Variants in DNM1L observed in about 807,000 individuals in gnomAD.
DNM1L encodes dynamin-1-like protein.
A neutral mutation model predicts 92.8 loss-of-function variants in DNM1L; 33 were observed. The ratio of observed to expected loss-of-function variants is 0.36; its 90% CI spans 0.27 to 0.48. The LOEUF (loss-of-function observed/expected upper bound fraction) is 0.48. Ranked by LOEUF, DNM1L falls within the 20% of genes least tolerant of loss-of-function variation. DNM1L has a pLI of 0.99. For missense variants in DNM1L, 485 were observed against 888.8 expected (o/e 0.55, Z 5.78); for synonymous variants, 284 against 305.0 (o/e 0.93, Z 0.72).
chr12:32,710,896 G>T, intron 4 of DNM1L, 33 bp from the exon 5 acceptor site: 1 of 1,475,596 alleles, frequency 6.8e-7, no homozygotes, highest in South Asian at 1.2e-5. Flanking sequence ...ATAGTTCATT[G>T]AAATTTTAAT....
intron 18 of DNM1L, among the ~76,000 whole-genome samples, chr12:32,742,344 T>TC (rs1168190601): frequency 6.6e-6 from 1 of 152,188 alleles, no homozygotes; most frequent in African/African-American, 2.4e-5. Context: ...CCTCAAGCAG[T>TC]CCACCCGCGT....
At chr12:32,715,041 CTATTT>C (rs1056569234) in intron 6 of DNM1L, among the ~76,000 whole-genome samples, 1 of 151,286 alleles carries the variant, frequency 6.6e-6, no homozygotes, top group Non-Finnish European at 1.5e-5. Flanking sequence ...TGTATAAACT[CTATTT>C]TAAACTGACC....
At chr12:32,710,513 A>G (rs1044112707) in intron 4 of DNM1L, among the ~76,000 whole-genome samples, 4 of 151,996 alleles carry the variant, frequency 2.6e-5, no homozygotes, top group Non-Finnish European at 4.4e-5. Context: ...CCAGCTACTC[A>G]GGAGGCTAAG....
chr12:32,732,044 T>C, intron 12 of DNM1L, 101 bp downstream of exon 12: 1 of 853,624 alleles, frequency 1.2e-6, no homozygotes, highest in Non-Finnish European at 1.9e-6. Context: ...CTTTAGAGTG[T>C]AGGCATAATG....
In DNM1L at chr12:32,740,399, C is replaced by A; in HGVS notation, c.1885-10C>A. The A allele has an allele frequency of 6.2e-7, 1 of 1,613,200 alleles. No individual in the cohort carries two copies. Among genetic ancestry groups the A allele is most frequent in the Non-Finnish European group, 8.5e-7 (1 of 1,179,282 alleles). ...AAAAGTAATATTTTTTCCCCCTCAT[C>A]CCTATTTAGCCAGTTCCTGTTGCAC... On this transcript the variant is annotated splice_polypyrimidine_tract_variant and intron_variant, in intron 17 of 19. Coordinates refer to ENST00000549701, the MANE Select transcript of DNM1L (RefSeq NM_012062.5).
chr12:32,711,816 G>A lies in DNM1L; in HGVS notation c.456+801G>A, dbSNP rs142793106. 8.0e-3 allele frequency among the ~76,000 whole-genome samples: 1,218 copies of A among 152,236 alleles called. 13 individuals carry two copies. The highest frequency in any genetic ancestry group is 0.028 in the African/African-American group (1,166 of 41,524). On this transcript the variant is annotated intron_variant, in intron 5 of 19. Coordinates refer to ENST00000549701, the MANE Select transcript of DNM1L (RefSeq NM_012062.5). ...GAGGATTGCTTGAGCCTAGGAATTT[G>A]AGGCTACGGTGAGCTATGATTGCAT...
In DNM1L at chr12:32,742,590, G is replaced by C; in HGVS notation, c.1996G>C (p.Val666Leu). The C allele has an allele frequency of 1.2e-6, 2 of 1,614,074 alleles. No individual in the cohort carries two copies. Among genetic ancestry groups the C allele is most frequent in the Non-Finnish European group, 1.7e-6 (2 of 1,179,990 alleles). ...CCATAATTTGGTTGTGTTTTGCAGT[G>C]TGCCAAAGGCAGTAATGCATTTTTT... Reference protein sequence around the residue: ...LIVRKNIQDSVPKAVMHFLVN... With the variant: ...LIVRKNIQDSLPKAVMHFLVN... Residue 666 changes from valine to leucine, a missense_variant and splice_region_variant, in exon 19 of 20, where the codon GTG (valine) becomes CTG (leucine). Physicochemically the swap from Val to Leu is conservative, Grantham distance 32. This residue lies in a region of DNM1L where 133 missense variants were observed against 210.9 expected (regional missense o/e 0.63). Coordinates refer to ENST00000549701, the MANE Select transcript of DNM1L (RefSeq NM_012062.5).
intron 14 of DNM1L, 34 bp downstream of exon 14, chr12:32,737,195 C>T (rs375014141): frequency 2.4e-4 from 393 of 1,605,292 alleles, no homozygotes; most frequent in Admixed American, 6.3e-4. Context: ...ATTCCCAATA[C>T]CTAAAGATAG....
chr12:32,698,026 C>G (rs1952542857), intron 1 of DNM1L, among the ~76,000 whole-genome samples: 1 of 150,636 alleles, frequency 6.6e-6, no homozygotes, highest in Non-Finnish European at 1.5e-5. Context: ...ATATAAAGAA[C>G]TGGAAATGTC....
Position 32,707,416 on chromosome 12 carries a change from A to G in DNM1L, c.297+3A>G. 1 of 1,599,174 alleles carries G rather than the reference A, an allele frequency of 6.3e-7. No individual in the cohort carries two copies. The highest frequency in any genetic ancestry group is 8.5e-7 in the Non-Finnish European group (1 of 1,171,824). On this transcript the variant is annotated splice_donor_region_variant and intron_variant, in intron 3 of 19. Coordinates refer to ENST00000549701, the MANE Select transcript of DNM1L (RefSeq NM_012062.5). Reference sequence around the variant, plus strand: ...AATTTCTTCACACCAAAAATAAGGTAATCACACATGCATATAATGAAGAAA... The same window carrying G: ...AATTTCTTCACACCAAAAATAAGGTGATCACACATGCATATAATGAAGAAA...
intron 1 of DNM1L, among the ~76,000 whole-genome samples, chr12:32,700,850 G>T (rs572777940): frequency 2.0e-5 from 3 of 152,162 alleles, no homozygotes; most frequent in Non-Finnish European, 2.9e-5. Context: ...TACCAATATT[G>T]TGTAGGTTTT....
intron 5 of DNM1L, 103 bp downstream of exon 5, chr12:32,711,118 C>CTGCTAACAG: frequency 9.8e-7 from 1 of 1,022,962 alleles, no homozygotes; most frequent in Non-Finnish European, 1.5e-6. Context: ...GATCTGTTAG[C>CTGCTAACAG]AGCATTTGAT....
At chr12:32,695,128 G>A (rs562435989) in intron 1 of DNM1L, among the ~76,000 whole-genome samples, 1 of 152,068 alleles carries the variant, frequency 6.6e-6, no homozygotes, top group African/African-American at 2.4e-5. Flanking sequence ...AGGTAAACAG[G>A]GCCAAGATAC....
rs765265273 is a variant in DNM1L at position 32,733,855 on chromosome 12, TA to T, written c.1539+50del. 16 of 1,523,192 alleles carry T rather than the reference TA, an allele frequency of 1.1e-5. No individual in the cohort carries two copies. The South Asian group carries it at 1.7e-4, about 16-fold the overall frequency. 94.4% of individuals were successfully genotyped at this position (1,523,192 alleles called of 1,614,324 possible). Reference sequence around the variant, plus strand: ...TTTTCACAGGTAGAAAAATCTGTTGTAACTCAGTTATATCAAACTTATTTAG... The same window carrying T: ...TTTTCACAGGTAGAAAAATCTGTTGTACTCAGTTATATCAAACTTATTTAG... On this transcript the variant is annotated intron_variant, in intron 13 of 19. Coordinates refer to ENST00000549701, the MANE Select transcript of DNM1L (RefSeq NM_012062.5).
chr12:32,733,803 T>G lies in DNM1L; in HGVS notation c.1535T>G (p.Ile512Arg). ...ADACGLMNNN[I>R]EEQRRNRLAR... ...GCTTGTGGGCTAATGAACAATAATATAGAGGTAAATATAATTCTTAAATGC... is the reference window on the plus strand; with the variant it reads ...GCTTGTGGGCTAATGAACAATAATAGAGAGGTAAATATAATTCTTAAATGC... The change falls in exon 13 of 20, where the codon ATA (isoleucine) becomes AGA (arginine). Residue 512 changes from isoleucine to arginine, a missense_variant. By Grantham distance (97) the Ile-to-Arg change is moderately conservative. Transcript: ENST00000549701. 6.2e-7 allele frequency: 1 copy of G among 1,612,960 alleles called. No homozygotes were observed. Among genetic ancestry groups the G allele is most frequent in the South Asian group, 1.1e-5 (1 of 91,048 alleles).
At chr12:32,713,861 G>A (rs1193685777) in intron 6 of DNM1L, among the ~76,000 whole-genome samples, 1 of 152,170 alleles carries the variant, frequency 6.6e-6, no homozygotes, top group Non-Finnish European at 1.5e-5. Context: ...TTATGGTACA[G>A]TAGAGAATTA....
At chr12:32,696,369 TACACACACACACAAACACACACACAC>T (rs1565495787) in intron 1 of DNM1L, among the ~76,000 whole-genome samples, 1 of 113,284 alleles carries the variant, frequency 8.8e-6, no homozygotes, top group Non-Finnish European at 1.8e-5. Context: ...AGACCCTGTC[TACACACACACACAAACACACACACAC>T]ACACACACAC....
intron 18 of DNM1L, among the ~76,000 whole-genome samples, chr12:32,741,536 T>G (rs903181030): frequency 5.3e-5 from 8 of 152,248 alleles, no homozygotes; most frequent in African/African-American, 1.9e-4. Context: ...CTACCTGTCT[T>G]GGCCTCCCAA....
At chr12:32,690,513 A>G (rs1396543423) in intron 1 of DNM1L, among the ~76,000 whole-genome samples, 1 of 152,124 alleles carries the variant, frequency 6.6e-6, no homozygotes, top group Non-Finnish European at 1.5e-5. Flanking sequence ...TTATAGTGTA[A>G]AATAAGCAAT....
Sources: allele counts gnomAD v4.1 joint callset (sites outside exome capture counted in the v4.1 genomes callset), GRCh38; gene constraint gnomAD v4.1.1; regional missense constraint gnomAD v4.1.1; transcripts MANE v1.5; gene names NCBI Gene and HGNC (gene_info 2026-07-23, HGNC 2026-07-21).